Variants in SMARCE1 observed in about 807,000 individuals in gnomAD.
The protein encoded by SMARCE1 is SWI/SNF-related matrix-associated actin-dependent regulator of chromatin subfamily E member 1.
A neutral mutation model predicts 54.9 loss-of-function variants in SMARCE1; 13 were observed. The ratio of observed to expected loss-of-function variants is 0.24; its 90% CI spans 0.15 to 0.38. The LOEUF (loss-of-function observed/expected upper bound fraction) is 0.38. SMARCE1 is among the 10% of genes least tolerant of loss of function. The pLI is 1.00. For synonymous variants in SMARCE1, 151 were observed against 175.3 expected (o/e 0.86, Z 1.10); for missense variants, 295 against 523.8 (o/e 0.56, Z 4.26).
chr17:40,632,037 A>G (rs2037100338), intron 8 of SMARCE1, 158 bp downstream of exon 8: 2 of 597,536 alleles, frequency 3.3e-6, no homozygotes, highest in African/African-American at 3.7e-5. Context: ...CTTATTAAAC[A>G]TCTGGGAAAG....
At chr17:40,634,749 T>A (rs2037129085) in intron 7 of SMARCE1, 1 of 152,218 alleles carries the variant, frequency 6.6e-6, no homozygotes. Flanking sequence ...TATTTTCTAC[T>A]TACGTTGCTA....
At chr17:40,637,298 T>A (rs2143999076) in intron 5 of SMARCE1, 194 bp downstream of exon 5, 2 of 604,886 alleles carry the variant, frequency 3.3e-6, no homozygotes, top group East Asian at 5.7e-5. Context: ...ACAGTTTATT[T>A]AATCACGCTC....
chr17:40,629,780 C>A, intron 10 of SMARCE1: 1 of 390,312 alleles, frequency 2.6e-6, no homozygotes, highest in Non-Finnish European at 4.5e-6. Context: ...AATTTTCAAG[C>A]TCGTTTTAAC....
intron 5 of SMARCE1, chr17:40,637,264 G>A (rs1243234437): frequency 5.5e-6 from 3 of 540,822 alleles, no homozygotes; most frequent in Non-Finnish European, 1.0e-5. Flanking sequence ...AATGGCTATA[G>A]AACATTCTAT....
rs560583293 is a variant in SMARCE1, at chr17:40,631,699, A to C, written c.715-6T>G. 40 of 1,506,298 alleles carry C rather than the reference A, an allele frequency of 2.7e-5. No homozygotes were observed. In the South Asian group the frequency reaches 4.3e-4, roughly 16 times the overall value. 93.3% of individuals were successfully genotyped at this position (1,506,298 alleles called of 1,614,324 possible). On this transcript the variant is annotated splice_polypyrimidine_tract_variant and splice_region_variant and intron_variant, in intron 8 of 10. Coordinates refer to ENST00000348513, the MANE Select transcript of SMARCE1 (RefSeq NM_003079.5). ...AGTTCAGCTTCTAGTTTTCGCTGCA[A>C]GACAGGATCAGGCTTCATAATTGTG...
rs1193381076 is a variant in SMARCE1 at position 40,635,814 on chromosome 17, C to T, written c.541+117G>A. On this transcript the variant is annotated intron_variant, in intron 7 of 10. Transcript: ENST00000348513. ...ATATAACCAAAATACTAAGACGATACTTAAATTATACTTTCTTTTCCATTT... is the reference window on the plus strand; with the variant it reads ...ATATAACCAAAATACTAAGACGATATTTAAATTATACTTTCTTTTCCATTT... 26 of 755,460 alleles carry T rather than the reference C, an allele frequency of 3.4e-5. No individual in the cohort carries two copies. The Admixed American group carries it at 8.0e-4, about 23-fold the overall frequency. 46.8% of individuals were successfully genotyped at this position (755,460 alleles called of 1,614,324 possible).
At chr17:40,629,212 T>C (rs550919108) in intron 10 of SMARCE1, 124 of 545,518 alleles carry the variant, frequency 2.3e-4, no homozygotes, top group African/African-American at 2.1e-3. Flanking sequence ...ATTTATTAAA[T>C]AAATGCAGAT....
At chr17:40,632,085 G>C (rs767357576) in intron 8 of SMARCE1, 110 bp downstream of exon 8, 5 of 860,382 alleles carry the variant, frequency 5.8e-6, no homozygotes, top group Non-Finnish European at 9.2e-6. Flanking sequence ...ATCAGGAACA[G>C]GTTAGATTGA....
At chr17:40,643,849 AG>A (rs2037222872) in intron 3 of SMARCE1, 1 of 152,308 alleles carries the variant, frequency 6.6e-6, no homozygotes, top group Admixed American at 6.5e-5. Context: ...CTATACAGTT[AG>A]AAAAGACGCA....
At chr17:40,637,464 C>T (rs780585444) in intron 5 of SMARCE1, 28 bp downstream of exon 5, 2 of 1,535,664 alleles carry the variant, frequency 1.3e-6, no homozygotes, top group East Asian at 2.2e-5. Flanking sequence ...ACAGTGTCCT[C>T]ACTCCTTACC....
intron 1 of SMARCE1, among the ~76,000 whole-genome samples, chr17:40,646,536 A>C (rs2037258763): frequency 6.6e-6 from 1 of 152,150 alleles, no homozygotes. Context: ...GATCTATATT[A>C]TTATAACTTT....
At position 40,637,462 on chromosome 17, in the gene SMARCE1, C is replaced by T. The variant is rs113265224; in HGVS notation, c.237+30G>A. On this transcript the variant is annotated intron_variant, in intron 5 of 10. Coordinates refer to ENST00000348513, the MANE Select transcript of SMARCE1 (RefSeq NM_003079.5). The stretch of plus-strand genomic sequence containing the variant: ...GCAAAGAAGCAGCAAAGACAGTGTC[C>T]TCACTCCTTACCAGGTCCTAAGCAC... The T allele has an allele frequency of 1.0e-3, 1,567 of 1,529,510 alleles. 14 individuals carry two copies. The African/African-American group carries it at 0.019, about 18-fold the overall frequency. 94.7% of individuals were successfully genotyped at this position (1,529,510 alleles called of 1,614,324 possible).
intron 9 of SMARCE1, chr17:40,631,125 T>A (rs189949460): frequency 1.6e-5 from 9 of 554,538 alleles, no homozygotes; most frequent in Non-Finnish European, 2.5e-5. Context: ...ACAGCAGCTC[T>A]AGCAGTTGTA....
Position 40,635,992 on chromosome 17 carries a change from T to C in SMARCE1, c.480A>G (p.Arg160=), listed in dbSNP as rs1453224931. 3 of 1,613,720 alleles carry C rather than the reference T, an allele frequency of 1.9e-6. No individual in the cohort carries two copies. Among genetic ancestry groups the C allele is most frequent in the Non-Finnish European group, 8.5e-7 (1 of 1,179,798 alleles). ...EAALEEESRQ[R]QSRMEKGEPY... is the part of the protein sequence containing the mutation. ...GTTCTCCTTTCTCCATGCGAGATTG[T>C]CTCTGTCGACTTTCTTCCTCTAAAG... The change falls in exon 7 of 11, where the codon AGA becomes AGG. Residue 160 remains arginine (R), a synonymous_variant. Transcript: ENST00000348513.
chr17:40,630,520 A>G (rs1490897455), intron 10 of SMARCE1, 194 bp downstream of exon 10: 2 of 636,878 alleles, frequency 3.1e-6, no homozygotes, highest in Non-Finnish European at 5.6e-6. Context: ...CTTAACGGTA[A>G]TAACCACATC....
Position 40,637,840 on chromosome 17 carries a change from T to TACA in SMARCE1, c.157-271_157-269dup, listed in dbSNP as rs1013676939. On this transcript the variant is annotated intron_variant, in intron 4 of 10. Coordinates refer to ENST00000348513, the MANE Select transcript of SMARCE1 (RefSeq NM_003079.5). ...AAATAAAATATTACACAGTAACCCATACATTGAAAATATATGGTTATATAT... is the reference window on the plus strand; with the variant it reads ...AAATAAAATATTACACAGTAACCCATACAACATTGAAAATATATGGTTATATAT... The TACA allele has an allele frequency of 2.4e-4, 105 of 440,738 alleles. 1 individual carries two copies. Among genetic ancestry groups the TACA allele is most frequent in the African/African-American group, 2.0e-3 (99 of 50,148 alleles). The allele number at this position is 440,738 out of a possible 1,614,324, so 27.3% of individuals were successfully genotyped here.
chr17:40,637,621 G>T, intron 4 of SMARCE1, 49 bp from the exon 5 acceptor site: 1 of 1,436,414 alleles, frequency 7.0e-7, no homozygotes, highest in Non-Finnish European at 9.8e-7. Flanking sequence ...GGAGTTCACT[G>T]GCAAACTGAA....
intron 4 of SMARCE1, chr17:40,640,717 A>G (rs1292274212): frequency 1.3e-5 from 2 of 152,214 alleles, no homozygotes; most frequent in Non-Finnish European, 2.9e-5. Flanking sequence ...TTATACTTCA[A>G]TTTGGTGTTA....
At chr17:40,631,393 T>A (rs2037094164) in intron 9 of SMARCE1, 199 bp downstream of exon 9, 3 of 530,046 alleles carry the variant, frequency 5.7e-6, no homozygotes, top group Non-Finnish European at 1.0e-5. Context: ...GTATACTCTA[T>A]GATATTTCAA....
Sources: allele counts gnomAD v4.1 joint callset (sites outside exome capture counted in the v4.1 genomes callset), GRCh38; gene constraint gnomAD v4.1.1; transcripts MANE v1.5; gene names NCBI Gene and HGNC (gene_info 2026-07-23, HGNC 2026-07-21).